Variants in ERO1B observed in about 807,000 individuals in gnomAD.
The protein encoded by ERO1B is ERO1-like protein beta.
In ERO1B, 49 loss-of-function variants were observed where a neutral mutation model predicts 75.3. The observed-to-expected ratio is 0.65, with a 90% CI of 0.52 to 0.83. ERO1B has a LOEUF of 0.83. ERO1B is among the 40% of genes least tolerant of loss of function. The pLI, the probability that ERO1B is intolerant of heterozygous loss-of-function variation, is 0.00. For synonymous variants in ERO1B, 191 were observed against 192.9 expected, an observed-to-expected ratio of 0.99 and a Z score of 0.08; for missense variants, 512 against 560.1, an observed-to-expected ratio of 0.91 and a Z score of 0.87.
chr1:236,245,861 G>C (rs1282947310), intron 5 of ERO1B, among the ~76,000 whole-genome samples: 2 of 151,632 alleles, frequency 1.3e-5, no homozygotes, highest in East Asian at 1.9e-4. Flanking sequence ...CAAAGTGCTA[G>C]GATTACAGGC....
chr1:236,243,673 T>TA (rs1429960255), intron 5 of ERO1B, among the ~76,000 whole-genome samples, 178 bp from the exon 6 acceptor site: 7 of 152,152 alleles, frequency 4.6e-5, no homozygotes, highest in Non-Finnish European at 1.0e-4. Flanking sequence ...TAGGAAAATA[T>TA]ATGTATTAAT....
At chr1:236,219,072 A>ATTTTCCC in intron 15 of ERO1B, among the ~76,000 whole-genome samples, 1 of 152,332 alleles carries the variant, frequency 6.6e-6, no homozygotes, top group South Asian at 2.1e-4. Context: ...AGCCCAGGCC[A>ATTTTCCC]AAAAGTAAAA....
intron 6 of ERO1B, among the ~76,000 whole-genome samples, chr1:236,242,267 T>A (rs1299190523): frequency 2.0e-5 from 3 of 152,110 alleles, no homozygotes; most frequent in African/African-American, 7.2e-5. Flanking sequence ...AATCAAAGAA[T>A]AGGTAAATGG....
chr1:236,262,001 C>T (rs1665304154), intron 2 of ERO1B, among the ~76,000 whole-genome samples: 1 of 152,090 alleles, frequency 6.6e-6, no homozygotes, highest in South Asian at 2.1e-4. Flanking sequence ...TTGTATGGAT[C>T]CAGAAATGAC....
chr1:236,278,430 T>C (rs1665755066), intron 1 of ERO1B, among the ~76,000 whole-genome samples: 1 of 151,930 alleles, frequency 6.6e-6, no homozygotes, highest in African/African-American at 2.4e-5. Context: ...TGAATTATGG[T>C]GGAGGCTCCT....
intron 12 of ERO1B, 54 bp downstream of exon 12, chr1:236,226,215 A>G (rs551882816): frequency 6.3e-7 from 1 of 1,582,672 alleles, no homozygotes; most frequent in African/African-American, 1.4e-5. Context: ...TTTAAGTGCT[A>G]CCTCATTTGA....
At chr1:236,266,430 C>T (rs537457213) in intron 2 of ERO1B, among the ~76,000 whole-genome samples, 2 of 152,030 alleles carry the variant, frequency 1.3e-5, no homozygotes, top group Non-Finnish European at 2.9e-5. Flanking sequence ...ATGGTGAAAC[C>T]CCGTATCTAC....
At chr1:236,244,647 T>C (rs1296325507) in intron 5 of ERO1B, among the ~76,000 whole-genome samples, 1 of 152,238 alleles carries the variant, frequency 6.6e-6, no homozygotes, top group Non-Finnish European at 1.5e-5. Flanking sequence ...TCTTTGAGCA[T>C]CCTCATTTGA....
rs78098395 is a variant in ERO1B at position 236,271,125 on chromosome 1, T to C, written c.103-1131A>G. Among the ~76,000 whole-genome samples the C allele has an allele frequency of 5.6e-3, 859 of 152,326 alleles. 6 individuals carry two copies. Among genetic ancestry groups the C allele is most frequent in the African/African-American group, 0.02 (822 of 41,572 alleles). On this transcript the variant is annotated intron_variant, in intron 1 of 15. Coordinates refer to ENST00000354619, the MANE Select transcript of ERO1B (RefSeq NM_019891.4). ...ACTGTACTACATGTTTACAGGATGT[T>C]ACCATTGGGATAAATAGATAAAGAG...
intron 5 of ERO1B, among the ~76,000 whole-genome samples, chr1:236,245,746 T>C (rs1221982790): frequency 2.8e-5 from 4 of 144,554 alleles, no homozygotes; most frequent in Admixed American, 7.0e-5. Flanking sequence ...CCACCACGCC[T>C]GGCTAATTTT....
rs371023338 is a variant in ERO1B at position 236,236,347 on chromosome 1, C to G, written c.557G>C (p.Arg186Pro). Residue 186 changes from arginine to proline, a missense_variant, in exon 7 of 16, where the codon CGT becomes CCT. By Grantham distance (103) the Arg-to-Pro change is moderately radical. Transcript: ENST00000354619. ...QYVDLLLNPE[R>P]YTGYKGTSAW... ...AGAGGTCCCTTTATAGCCAGTGTAA[C>G]GCTCTGGGTTCAGCAATAGGTCTAC... 1 of 1,613,076 alleles carries G rather than the reference C, an allele frequency of 6.2e-7. No individual in the cohort carries two copies. The highest frequency in any genetic ancestry group is 8.5e-7 in the Non-Finnish European group (1 of 1,179,596).
intron 1 of ERO1B, 191 bp downstream of exon 1, chr1:236,281,491 C>A (rs1444200251): frequency 3.0e-5 from 12 of 400,044 alleles, no homozygotes; most frequent in Non-Finnish European, 4.8e-5. Flanking sequence ...TCCCCCCACC[C>A]TGCGGGCGGT....
Position 236,226,256 on chromosome 1 carries a change from A to C in ERO1B, c.1052+13T>G. 4 of 1,611,254 alleles carry C rather than the reference A, an allele frequency of 2.5e-6. No individual in the cohort carries two copies. The highest frequency in any genetic ancestry group is 3.4e-6 in the Non-Finnish European group (4 of 1,178,560). On this transcript the variant is annotated intron_variant, in intron 12 of 15. Transcript: ENST00000354619. ...GAGAGGAGAATTTCAAATCACGGAT[A>C]GTCAATTCTTACTTTGTATCTTGAA...
intron 9 of ERO1B, among the ~76,000 whole-genome samples, chr1:236,231,525 T>A (rs1664407433): frequency 6.6e-6 from 1 of 150,614 alleles, no homozygotes; most frequent in Non-Finnish European, 1.5e-5. Context: ...AAAGAACCAT[T>A]CCTGGCCCTG....
At position 236,239,167 on chromosome 1, in the gene ERO1B, T is replaced by C. The variant is rs571084947; in HGVS notation, c.506-2769A>G. ...ATGTTTATTCCCTTAGTTTAATCAA[T>C]ACTTTTTAAAAAAATCTTGTAATAC... On this transcript the variant is annotated intron_variant, in intron 6 of 15. Coordinates refer to ENST00000354619, the MANE Select transcript of ERO1B (RefSeq NM_019891.4). Among the ~76,000 whole-genome samples the C allele has an allele frequency of 2.0e-5, 3 of 152,290 alleles. No individual in the cohort carries two copies. The East Asian group carries it at 5.8e-4, about 29-fold the overall frequency.
At chr1:236,260,083 GT>G (rs34454629) in intron 2 of ERO1B, among the ~76,000 whole-genome samples, 37,548 of 151,214 alleles carry the variant, frequency 0.25, 4,803 homozygotes, top group East Asian at 0.38. Context: ...TGAAACCAAA[GT>G]TTTTTTTTAA....
chr1:236,274,648 T>C (rs933994824), intron 1 of ERO1B, among the ~76,000 whole-genome samples: 5 of 152,158 alleles, frequency 3.3e-5, no homozygotes, highest in Admixed American at 2.6e-4. Flanking sequence ...TTTATTTGCA[T>C]CTATCTTCCA....
rs559510916 is a variant in ERO1B, at chr1:236,273,296, C to T, written c.103-3302G>A. ...AGAAGCCTCCAGAAGGAAATGCAAC[C>T]TTGCTGACATCTTGATTTTAACCCT... is the stretch of plus-strand genomic sequence containing the variant. On this transcript the variant is annotated intron_variant, in intron 1 of 15. Coordinates refer to ENST00000354619, the MANE Select transcript of ERO1B (RefSeq NM_019891.4). Among the ~76,000 whole-genome samples the T allele has an allele frequency of 2.0e-5, 3 of 152,304 alleles. No individual in the cohort carries two copies. The South Asian group carries it at 6.2e-4, about 32-fold the overall frequency.
chr1:236,254,048 T>C (rs959259311), intron 2 of ERO1B, among the ~76,000 whole-genome samples: 1 of 152,100 alleles, frequency 6.6e-6, no homozygotes, highest in Admixed American at 6.5e-5. Flanking sequence ...GATAAGGCAA[T>C]AAAAAGCCTG....
Sources: gnomAD v4.1 joint callset for allele counts (sites outside exome capture counted in the v4.1 genomes callset) on GRCh38, gnomAD v4.1.1 for gene constraint, MANE v1.5 for transcripts, NCBI Gene and HGNC (gene_info 2026-07-23, HGNC 2026-07-21) for gene names.